PPP2CB: variants seen among roughly 807,000 people sequenced by gnomAD.
The protein encoded by PPP2CB is protein phosphatase 2 catalytic subunit beta.
PPP2CB carries 18 observed loss-of-function variants against 39.1 expected under a neutral mutation model. The observed-to-expected ratio is 0.46, with a 90% CI of 0.32 to 0.68. PPP2CB has a LOEUF of 0.68. Ranked by LOEUF, PPP2CB falls within the 30% of genes least tolerant of loss-of-function variation. The pLI is 0.04. For missense variants in PPP2CB, 226 were observed against 396.9 expected (o/e 0.57, Z 3.66); for synonymous variants, 129 against 133.8 (o/e 0.96, Z 0.25).
intron 1 of PPP2CB, among the ~76,000 whole-genome samples, chr8:30,804,561 C>A (rs766793086): frequency 6.6e-6 from 1 of 152,182 alleles, no homozygotes; most frequent in Non-Finnish European, 1.5e-5. Flanking sequence ...CTGTAATAAA[C>A]CATAATCATC....
At chr8:30,801,475 A>G (rs1328737265) in intron 1 of PPP2CB, among the ~76,000 whole-genome samples, 1 of 151,910 alleles carries the variant, frequency 6.6e-6, no homozygotes, top group African/African-American at 2.4e-5. Flanking sequence ...CGGAGCTTGC[A>G]GTGAGCCAAG....
intron 1 of PPP2CB, among the ~76,000 whole-genome samples, chr8:30,808,454 C>G (rs1302164058): frequency 6.6e-6 from 1 of 151,948 alleles, no homozygotes; most frequent in Non-Finnish European, 1.5e-5. Flanking sequence ...GGAAAAACCA[C>G]CATCATACGA....
chr8:30,790,607 G>T (rs1563574974), intron 6 of PPP2CB, among the ~76,000 whole-genome samples: 1 of 152,196 alleles, frequency 6.6e-6, no homozygotes, highest in Non-Finnish European at 1.5e-5. Context: ...AGGTGCTGGG[G>T]TAACAGCATT....
chr8:30,798,968 T>G (rs980179995), intron 2 of PPP2CB, among the ~76,000 whole-genome samples: 1 of 152,144 alleles, frequency 6.6e-6, no homozygotes, highest in Non-Finnish European at 1.5e-5. Context: ...AAACTTTGAT[T>G]TGAGCCAGAG....
In PPP2CB at chr8:30,786,284, C is replaced by T. The variant is rs1280895601; in HGVS notation, c.881G>A (p.Arg294His). 3.8e-6 allele frequency: 6 copies of T among 1,578,692 alleles called. No homozygotes were observed. Among genetic ancestry groups the T allele is most frequent in the Admixed American group, 1.9e-5 (1 of 53,924 alleles). The change falls in exon 7 of 7, where the codon CGT becomes CAT. Residue 294 changes from arginine to histidine, a missense_variant. By Grantham distance (29) the Arg-to-His change is conservative. Transcript: ENST00000221138. The stretch of plus-strand genomic sequence containing the variant: ...CCGTGTAACATGAGGCTCACCACGA[C>T]GAGGCGCTGGGTCAAATTGAAGGCT... ...YSFLQFDPAP[R>H]RGEPHVTRRT...
At chr8:30,812,218 G>A in intron 1 of PPP2CB, 102 bp downstream of exon 1, 2 of 841,672 alleles carry the variant, frequency 2.4e-6, no homozygotes, top group Non-Finnish European at 1.5e-6. Flanking sequence ...CAGGCCCCCG[G>A]TGGGCCGCGC....
intron 2 of PPP2CB, 105 bp from the exon 3 acceptor site, chr8:30,797,859 CA>C: frequency 9.2e-7 from 1 of 1,087,184 alleles, no homozygotes; most frequent in Non-Finnish European, 1.3e-6. Context: ...TTTTGGCCAC[CA>C]GTATATTAAA....
chr8:30,811,068 T>C (rs959069026), intron 1 of PPP2CB, among the ~76,000 whole-genome samples: 5 of 152,296 alleles, frequency 3.3e-5, no homozygotes, highest in Middle Eastern at 3.4e-3. Context: ...GTCCACCTTG[T>C]AAAGGATGAA....
intron 3 of PPP2CB, among the ~76,000 whole-genome samples, chr8:30,796,844 C>A (rs1806535001): frequency 6.6e-6 from 1 of 152,120 alleles, no homozygotes; most frequent in South Asian, 2.1e-4. Context: ...GCATTTGCTT[C>A]TATTTTCTTT....
Position 30,794,067 on chromosome 8 carries a change from A to G in PPP2CB, c.588T>C (p.Cys196=). The G allele has an allele frequency of 1.9e-6, 3 of 1,608,764 alleles. No homozygotes were observed. Among genetic ancestry groups the G allele is most frequent in the Middle Eastern group, 1.7e-4 (1 of 6,060 alleles). The change falls in exon 5 of 7, where the codon TGT becomes TGC. Residue 196 remains cysteine, a synonymous_variant. Transcript: ENST00000221138. ...LQEVPHEGPM[C]DLLWSDPDDR... ...CATCTGGATCTGACCATAACAGATC[A>G]CACATTGGGCCCTGGCCAAGAAAAA...
intron 1 of PPP2CB, among the ~76,000 whole-genome samples, chr8:30,800,897 G>T (rs1420109587): frequency 6.6e-6 from 1 of 152,162 alleles, no homozygotes; most frequent in Non-Finnish European, 1.5e-5. Flanking sequence ...GAAACAACCG[G>T]ATGGCTAGCA....
At chr8:30,807,140 C>T (rs4733200) in intron 1 of PPP2CB, among the ~76,000 whole-genome samples, 1 of 151,928 alleles carries the variant, frequency 6.6e-6, no homozygotes, top group Admixed American at 6.6e-5. Context: ...CTTCATTATA[C>T]TAAGAAAGGA....
At chr8:30,799,198 G>A (rs891600079) in intron 2 of PPP2CB, among the ~76,000 whole-genome samples, 3 of 152,162 alleles carry the variant, frequency 2.0e-5, no homozygotes, top group African/African-American at 4.8e-5. Flanking sequence ...TGTAACAATC[G>A]AATTGTGAAG....
chr8:30,797,977 A>C (rs576756618), intron 2 of PPP2CB, among the ~76,000 whole-genome samples: 1 of 152,334 alleles, frequency 6.6e-6, no homozygotes, highest in African/African-American at 2.4e-5. Context: ...AGGTTTCGAC[A>C]ACCCTCATCA....
rs1806337826 is a variant in PPP2CB, at chr8:30,786,180, A to G, written c.*55T>C. On this transcript the variant is annotated 3_prime_UTR_variant, in exon 7 of 7. Transcript: ENST00000221138. ...TTGCTTTTTGTTTTTAAATACATATATTTTAAAAAGCCAGGTATACTTCCA... is the reference window on the plus strand; with the variant it reads ...TTGCTTTTTGTTTTTAAATACATATGTTTTAAAAAGCCAGGTATACTTCCA... The G allele has an allele frequency of 2.2e-6, 3 of 1,374,884 alleles. No homozygotes were observed. The highest frequency in any genetic ancestry group is 5.0e-5 in the East Asian group (2 of 39,968). 85.2% of individuals were successfully genotyped at this position (1,374,884 alleles called of 1,614,324 possible). A position where few individuals can be genotyped will look rare whatever the true frequency, so the allele number is the denominator to read the frequency against.
intron 6 of PPP2CB, among the ~76,000 whole-genome samples, chr8:30,789,613 G>C (rs1032067413): frequency 1.3e-5 from 2 of 152,308 alleles, no homozygotes; most frequent in African/African-American, 4.8e-5. Context: ...TATTCTGCCA[G>C]ACTGTCAGGG....
rs1449249752 is a variant in PPP2CB at position 30,785,875 on chromosome 8, A to T, written c.*360T>A. 2.7e-6 allele frequency: 1 copy of T among 369,650 alleles called. No individual in the cohort carries two copies. The highest frequency in any genetic ancestry group is 7.8e-5 in the East Asian group (1 of 12,758). 22.9% of individuals were successfully genotyped at this position (369,650 alleles called of 1,614,324 possible). On this transcript the variant is annotated 3_prime_UTR_variant, in exon 7 of 7. Transcript: ENST00000221138. ...GAATTTTTCTTAAAAATAAAACTCC[A>T]ACTCTATTAATCCATGCCAGTTAAA...
At chr8:30,789,048 A>AC (rs916730495) in intron 6 of PPP2CB, among the ~76,000 whole-genome samples, 32 of 130,428 alleles carry the variant, frequency 2.5e-4, no homozygotes, top group African/African-American at 7.1e-4. Context: ...GGATGTTTTT[A>AC]CTTTTTTTTT....
At chr8:30,811,144 G>T (rs1383922371) in intron 1 of PPP2CB, among the ~76,000 whole-genome samples, 1 of 152,108 alleles carries the variant, frequency 6.6e-6, no homozygotes, top group Non-Finnish European at 1.5e-5. Flanking sequence ...GAAAACAATG[G>T]ATACAGAATT....
Sources: gnomAD v4.1 joint callset for allele counts (sites outside exome capture counted in the v4.1 genomes callset) on GRCh38, gnomAD v4.1.1 for gene constraint, MANE v1.5 for transcripts, NCBI Gene and HGNC (gene_info 2026-07-23, HGNC 2026-07-21) for gene names.